Variants in AMBRA1 observed in about 807,000 individuals in gnomAD.
The protein encoded by AMBRA1 is autophagy and beclin 1 regulator 1, also known as activating molecule in BECN1-regulated autophagy protein 1.
Under a neutral mutation model 125.4 loss-of-function variants are expected in AMBRA1, and 47 were observed. The observed-to-expected ratio is 0.37, with a 90% CI of 0.30 to 0.48. The LOEUF (loss-of-function observed/expected upper bound fraction) is 0.48. Among genes scored for constraint, AMBRA1 ranks in the 20% least tolerant of loss-of-function variants. The probability of loss-of-function intolerance (pLI) is 0.99; values close to 1 mark genes in which losing one functional copy is unlikely to be tolerated. For synonymous variants in AMBRA1, 626 were observed against 655.5 expected, an observed-to-expected ratio of 0.95 and a Z score of 0.69; for missense variants, 1,331 against 1,693.4, an observed-to-expected ratio of 0.79 and a Z score of 3.76.
intron 11 of AMBRA1, among the ~76,000 whole-genome samples, chr11:46,447,039 C>G (rs1948320969): frequency 6.6e-6 from 1 of 152,214 alleles, no homozygotes. Flanking sequence ...CTCTGAACCT[C>G]AGTTTCCTTA....
At chr11:46,399,831 C>A (rs1052523561) in intron 17 of AMBRA1, among the ~76,000 whole-genome samples, 1 of 152,180 alleles carries the variant, frequency 6.6e-6, no homozygotes, top group Non-Finnish European at 1.5e-5. Flanking sequence ...GGACCCAGGT[C>A]TAGGGAGGGA....
intron 7 of AMBRA1, among the ~76,000 whole-genome samples, chr11:46,532,579 G>A (rs1022006178): frequency 6.6e-6 from 1 of 152,138 alleles, no homozygotes; most frequent in South Asian, 2.1e-4. Context: ...TGGGACTACA[G>A]GCACCCACCA....
At chr11:46,414,873 A>C (rs368966869) in intron 15 of AMBRA1, among the ~76,000 whole-genome samples, 1 of 152,202 alleles carries the variant, frequency 6.6e-6, no homozygotes, top group African/African-American at 2.4e-5. Context: ...TGAAGGCCTT[A>C]GTCTACTGCC....
intron 8 of AMBRA1, among the ~76,000 whole-genome samples, chr11:46,511,549 G>A (rs955169037): frequency 2.0e-5 from 3 of 152,188 alleles, no homozygotes; most frequent in African/African-American, 7.2e-5. Flanking sequence ...CTAATCTAGA[G>A]CAAAGTTCAT....
intron 1 of AMBRA1, among the ~76,000 whole-genome samples, chr11:46,553,562 T>G (rs766814821): frequency 6.6e-6 from 1 of 151,948 alleles, no homozygotes; most frequent in Non-Finnish European, 1.5e-5. Flanking sequence ...CTGGCCAACA[T>G]AGTGAAACCC....
At chr11:46,457,941 C>T (rs1280006273) in intron 11 of AMBRA1, among the ~76,000 whole-genome samples, 1 of 151,220 alleles carries the variant, frequency 6.6e-6, no homozygotes, top group African/African-American at 2.4e-5. Context: ...ACCCTACTGG[C>T]CCAGCCATGC....
chr11:46,427,507 TCTTAA>T (rs1349420112), intron 14 of AMBRA1, among the ~76,000 whole-genome samples: 8 of 152,218 alleles, frequency 5.3e-5, no homozygotes, highest in African/African-American at 1.4e-4. Context: ...CATGGTTCGT[TCTTAA>T]CTTAGCGCGC....
At chr11:46,441,549 G>A (rs916811447) in intron 12 of AMBRA1, among the ~76,000 whole-genome samples, 3 of 151,940 alleles carry the variant, frequency 2.0e-5, no homozygotes, top group African/African-American at 7.3e-5. Flanking sequence ...AGTACAGGAA[G>A]GTTGAGTCTT....
At chr11:46,409,841 G>T (rs1258731705) in intron 16 of AMBRA1, among the ~76,000 whole-genome samples, 1 of 152,238 alleles carries the variant, frequency 6.6e-6, no homozygotes, top group Non-Finnish European at 1.5e-5. Context: ...ATTAAGTGAT[G>T]AAAGGATCAG....
chr11:46,424,566 G>A (rs1000146471), intron 14 of AMBRA1, among the ~76,000 whole-genome samples: 9 of 152,188 alleles, frequency 5.9e-5, no homozygotes, highest in African/African-American at 1.9e-4. Flanking sequence ...AATTATACTC[G>A]CTGGGCGTGA....
chr11:46,495,859 A>ACTTT (rs1323519200), intron 9 of AMBRA1, among the ~76,000 whole-genome samples: 8 of 152,366 alleles, frequency 5.3e-5, no homozygotes, highest in African/African-American at 1.9e-4. Context: ...TTAGTACTGA[A>ACTTT]CAAAGTACAA....
At chr11:46,521,130 CCTCA>C (rs1951742428) in intron 7 of AMBRA1, among the ~76,000 whole-genome samples, 1 of 152,194 alleles carries the variant, frequency 6.6e-6, no homozygotes, top group African/African-American at 2.4e-5. Flanking sequence ...TCTGGTTGCC[CCTCA>C]CTGGCGACAA....
At chr11:46,489,048 G>A (rs1156403129) in intron 11 of AMBRA1, among the ~76,000 whole-genome samples, 3 of 151,982 alleles carry the variant, frequency 2.0e-5, no homozygotes, top group African/African-American at 7.2e-5. Context: ...GACTACAGGC[G>A]CCCGCAACCG....
chr11:46,566,620 C>A (rs1487898231), intron 1 of AMBRA1, among the ~76,000 whole-genome samples: 1 of 152,130 alleles, frequency 6.6e-6, no homozygotes, highest in East Asian at 1.9e-4. Context: ...GCTACCTAAC[C>A]CCTGAAGGCA....
At chr11:46,585,695 A>AATATATATATATATATATATATGTAT (rs2044362494) in intron 1 of AMBRA1, among the ~76,000 whole-genome samples, 2 of 22,916 alleles carry the variant, frequency 8.7e-5, no homozygotes, top group Non-Finnish European at 1.6e-4. Flanking sequence ...AAAAAAAAAA[A>AATATATATATATATATATATATGTAT]ATATATATAT....
intron 7 of AMBRA1, among the ~76,000 whole-genome samples, chr11:46,515,221 C>T (rs994600532): frequency 6.6e-6 from 1 of 152,194 alleles, no homozygotes; most frequent in African/African-American, 2.4e-5. Context: ...CGCCTGTAAT[C>T]CCAACACTTT....
intron 14 of AMBRA1, among the ~76,000 whole-genome samples, chr11:46,421,315 C>T (rs951680585): frequency 6.6e-6 from 1 of 152,188 alleles, no homozygotes; most frequent in Non-Finnish European, 1.5e-5. Context: ...TAAACAGTGC[C>T]GAAAGGGCAG....
At chr11:46,538,298 A>T (rs1200981195) in intron 7 of AMBRA1, among the ~76,000 whole-genome samples, 11 of 152,222 alleles carry the variant, frequency 7.2e-5, no homozygotes, top group Admixed American at 7.2e-4. Context: ...CTATCTTACA[A>T]TGAGAACCCT....
chr11:46,413,955 G>C (rs1046052567), intron 15 of AMBRA1, among the ~76,000 whole-genome samples: 1 of 152,084 alleles, frequency 6.6e-6, no homozygotes, highest in Non-Finnish European at 1.5e-5. Context: ...GAGGAGGAAG[G>C]CTAGGAGGTC....
Sources: allele counts gnomAD v4.1 joint callset (sites outside exome capture counted in the v4.1 genomes callset), GRCh38; gene constraint gnomAD v4.1.1; transcripts MANE v1.5; gene names NCBI Gene and HGNC (gene_info 2026-07-23, HGNC 2026-07-21).